The following CSMD1 variants were observed in gnomAD, a reference collection of about 807,000 sequenced individuals.
The protein encoded by CSMD1 is CUB and Sushi multiple domains 1, also known as CUB and sushi domain-containing protein 1.
A neutral mutation model predicts 417.5 loss-of-function variants in CSMD1; 213 were observed. That is an observed-to-expected ratio of 0.51 (90% CI 0.46 to 0.57). The LOEUF (loss-of-function observed/expected upper bound fraction) is 0.57, where lower values mean the gene tolerates loss of function less well. Ranked by LOEUF, CSMD1 falls within the 20% of genes least tolerant of loss-of-function variation. The probability of loss-of-function intolerance (pLI) is 0.00; values close to 1 mark genes in which losing one functional copy is unlikely to be tolerated. For synonymous variants in CSMD1, 2,862 were observed against 1,736.8 expected (o/e 1.65, Z -16.11); for missense variants, 6,923 against 4,529.7 (o/e 1.53, Z -15.17).
At chr8:4,533,616 C>G (rs1796949455) in intron 2 of CSMD1, among the ~76,000 whole-genome samples, 1 of 151,808 alleles carries the variant, frequency 6.6e-6, no homozygotes, top group Admixed American at 6.6e-5. Flanking sequence ...AAGAAAATAA[C>G]CCACTAATGA....
chr8:4,450,894 A>G (rs981897517), intron 2 of CSMD1, among the ~76,000 whole-genome samples: 1 of 152,212 alleles, frequency 6.6e-6, no homozygotes, highest in Non-Finnish European at 1.5e-5. Flanking sequence ...TTGCGCTAAT[A>G]TAAAAATTAA....
chr8:4,896,450 C>A (rs913097284), intron 1 of CSMD1, among the ~76,000 whole-genome samples: 1 of 152,038 alleles, frequency 6.6e-6, no homozygotes, highest in Admixed American at 6.6e-5. Flanking sequence ...GAGCATCTAC[C>A]AGGAAAATGT....
intron 1 of CSMD1, among the ~76,000 whole-genome samples, chr8:4,673,488 G>A (rs1184674465): frequency 2.0e-5 from 3 of 152,112 alleles, no homozygotes; most frequent in African/African-American, 7.2e-5. Flanking sequence ...CTCAGGAAAT[G>A]ATTGCTATGT....
intron 8 of CSMD1, among the ~76,000 whole-genome samples, chr8:3,611,376 C>T (rs1469956059): frequency 3.9e-5 from 6 of 152,058 alleles, no homozygotes; most frequent in African/African-American, 1.4e-4. Context: ...GAACAAACAT[C>T]TATGTAATTG....
intron 7 of CSMD1, among the ~76,000 whole-genome samples, chr8:3,681,896 G>A (rs147401521): frequency 0.17 from 26,127 of 151,866 alleles, 2,615 homozygotes; most frequent in Non-Finnish European, 0.23. Context: ...ACACATCTAC[G>A]ACTATCTGAT....
intron 3 of CSMD1, among the ~76,000 whole-genome samples, chr8:4,140,173 C>A (rs142904275): frequency 6.7e-6 from 1 of 149,512 alleles, no homozygotes; most frequent in Non-Finnish European, 1.5e-5. Flanking sequence ...AGCAACATAG[C>A]AAAAACCCGT....
intron 25 of CSMD1, among the ~76,000 whole-genome samples, chr8:3,297,318 G>C (rs148425639): frequency 1.3e-5 from 2 of 152,232 alleles, no homozygotes; most frequent in African/African-American, 2.4e-5. Flanking sequence ...AAAAAATTAA[G>C]AGTGTTTCTG....
At chr8:3,823,452 G>C (rs913217894) in intron 5 of CSMD1, among the ~76,000 whole-genome samples, 1 of 152,086 alleles carries the variant, frequency 6.6e-6, no homozygotes, top group Non-Finnish European at 1.5e-5. Flanking sequence ...AGTATAAAAC[G>C]TTTGCAATTT....
chr8:4,076,523 G>C (rs546227510), intron 3 of CSMD1, among the ~76,000 whole-genome samples: 1 of 152,090 alleles, frequency 6.6e-6, no homozygotes, highest in Non-Finnish European at 1.5e-5. Flanking sequence ...TGAACAAATA[G>C]AGCCAAAAAC....
At chr8:4,495,166 T>C (rs1016842300) in intron 2 of CSMD1, among the ~76,000 whole-genome samples, 1 of 152,132 alleles carries the variant, frequency 6.6e-6, no homozygotes, top group African/African-American at 2.4e-5. Context: ...GGGACTTCCA[T>C]TATACTTAGC....
chr8:3,458,015 T>C (rs937261231), intron 12 of CSMD1, among the ~76,000 whole-genome samples: 2 of 152,190 alleles, frequency 1.3e-5, no homozygotes, highest in African/African-American at 4.8e-5. Flanking sequence ...AATTCGCAAA[T>C]ATCATTATCA....
Position 4,714,038 on chromosome 8 carries a change from G to A in CSMD1, c.86-76480C>T, listed in dbSNP as rs139445027. ...CAGGTGCCTGTAATCCCAGCTACTC[G>A]GGAGACTGAGGCAGGAGGATCACCT... On this transcript the variant is annotated intron_variant, in intron 1 of 69. Coordinates refer to ENST00000635120, the MANE Select transcript of CSMD1 (RefSeq NM_033225.6). 2.9e-3 allele frequency among the ~76,000 whole-genome samples: 434 copies of A among 152,076 alleles called. 1 individual carries two copies. Among genetic ancestry groups the A allele is most frequent in the Non-Finnish European group, 4.6e-3 (315 of 67,988 alleles).
At chr8:3,694,386 C>G (rs888912559) in intron 7 of CSMD1, among the ~76,000 whole-genome samples, 2 of 152,136 alleles carry the variant, frequency 1.3e-5, no homozygotes, top group African/African-American at 4.8e-5. Context: ...ACCCAGAAGA[C>G]TGATCAACAG....
intron 3 of CSMD1, among the ~76,000 whole-genome samples, chr8:4,111,722 G>A (rs1016556188): frequency 1.3e-5 from 2 of 152,230 alleles, no homozygotes; most frequent in Admixed American, 1.3e-4. Context: ...TGAACAGTAG[G>A]AACACATGGA....
chr8:3,403,503 G>C (rs1812163242), intron 15 of CSMD1, among the ~76,000 whole-genome samples: 1 of 152,106 alleles, frequency 6.6e-6, no homozygotes, highest in Admixed American at 6.6e-5. Flanking sequence ...TTTCTGCCGA[G>C]GGCTTCCTTT....
Position 4,255,150 on chromosome 8 carries a change from G to A in CSMD1, c.415+164803C>T, listed in dbSNP as rs1347874556. On this transcript the variant is annotated intron_variant, in intron 3 of 69. Transcript: ENST00000635120. ...ATCAGTTTTTAGCATTAAAAGAGAT[G>A]ATACATAGAGCTTTATCCCATGCTG... 2.0e-5 allele frequency among the ~76,000 whole-genome samples: 3 copies of A among 152,152 alleles called. No individual in the cohort carries two copies. The East Asian group carries it at 5.8e-4, about 29-fold the overall frequency.
chr8:4,015,998 G>C (rs1289900988), intron 4 of CSMD1, among the ~76,000 whole-genome samples: 1 of 152,154 alleles, frequency 6.6e-6, no homozygotes, highest in East Asian at 1.9e-4. Flanking sequence ...GTCAGAGCTG[G>C]CCTTATCAGC....
At chr8:4,121,598 T>C (rs942405071) in intron 3 of CSMD1, among the ~76,000 whole-genome samples, 5 of 146,646 alleles carry the variant, frequency 3.4e-5, no homozygotes, top group African/African-American at 1.0e-4. Flanking sequence ...GAGAAGTAAA[T>C]CATGTGCATA....
At chr8:4,953,102 A>G (rs1045489237) in intron 1 of CSMD1, among the ~76,000 whole-genome samples, 4 of 152,182 alleles carry the variant, frequency 2.6e-5, no homozygotes, top group African/African-American at 9.6e-5. Context: ...ATATATATTC[A>G]AATGGAATTG....
Sources: gnomAD v4.1 joint callset for allele counts (sites outside exome capture counted in the v4.1 genomes callset) on GRCh38, gnomAD v4.1.1 for gene constraint, MANE v1.5 for transcripts, NCBI Gene and HGNC (gene_info 2026-07-23, HGNC 2026-07-21) for gene names.